Variants in PLEC observed in about 807,000 individuals in gnomAD.
PLEC encodes the protein hemidesmosomal protein 1.
A neutral mutation model predicts 392.8 loss-of-function variants in PLEC; 216 were observed. The ratio of observed to expected loss-of-function variants is 0.55; its 90% CI spans 0.49 to 0.62. The LOEUF is 0.62. Among genes scored for constraint, PLEC ranks in the 20% least tolerant of loss-of-function variants. PLEC has a pLI of 0.00. For synonymous variants in PLEC, 3,621 were observed against 2,980.6 expected (o/e 1.21, Z -7.00); for missense variants, 6,863 against 6,563.4 (o/e 1.05, Z -1.58).
intron 1 of PLEC, among the ~76,000 whole-genome samples, chr8:143,949,689 TCA>T (rs2132697314): frequency 6.6e-6 from 1 of 152,184 alleles, no homozygotes; most frequent in Non-Finnish European, 1.5e-5. Flanking sequence ...GGCCAAGCAC[TCA>T]GTTACCGGTC....
At chr8:143,960,207 G>A (rs1362284495) in intron 1 of PLEC, among the ~76,000 whole-genome samples, 2 of 151,984 alleles carry the variant, frequency 1.3e-5, no homozygotes, top group Non-Finnish European at 2.9e-5. Context: ...GCTTGAACTC[G>A]GAGGGCGGAG....
chr8:143,947,068 G>A (rs1471389285), intron 1 of PLEC, among the ~76,000 whole-genome samples: 6 of 152,192 alleles, frequency 3.9e-5, no homozygotes, highest in East Asian at 1.9e-4. Flanking sequence ...CAGAAATCCC[G>A]CAAACGGGTG....
At chr8:143,925,946 C>G in intron 30 of PLEC, 62 bp from the exon 31 acceptor site, 1 of 1,487,198 alleles carries the variant, frequency 6.7e-7, no homozygotes, top group Non-Finnish European at 9.1e-7. Flanking sequence ...CAGGCGCTGA[C>G]GGGGCACGCA....
At position 143,931,538 on chromosome 8, in the gene PLEC, G is replaced by A. The variant is rs868961899; in HGVS notation, c.2300C>T (p.Ala767Val). The A allele has an allele frequency of 6.3e-7, 1 of 1,588,392 alleles. No homozygotes were observed. Among genetic ancestry groups the A allele is most frequent in the East Asian group, 2.3e-5 (1 of 43,654 alleles). ...CCTGCACACCCCCTCCCTCACCTGG[G>A]CATCCTGCAGCAGGTCCTCCAGCCG... ...VTRLEDLLQD[A>V]QDEKEQLNEY... is the part of the protein sequence containing the mutation. The change falls in exon 19 of 32, where the codon GCC (alanine) becomes GTC (valine). Residue 767 changes from alanine (A) to valine (V), a missense_variant. By Grantham distance (64) the Ala-to-Val change is moderately conservative. Coordinates refer to ENST00000345136, the MANE Select transcript of PLEC (RefSeq NM_201384.3).
In PLEC at chr8:143,918,046, C is replaced by T. The variant is rs782611929; in HGVS notation, c.11775G>A (p.Leu3925=). ...LTSIEEVTKN[L]QKFLEGTSCI... is the part of the protein sequence containing the mutation. ...AGCTGGTGCCTTCCAGGAACTTCTGCAAGTTCTTGGTGACCTCCTCGATGG... is the reference window on the plus strand; with the variant it reads ...AGCTGGTGCCTTCCAGGAACTTCTGTAAGTTCTTGGTGACCTCCTCGATGG... The change falls in exon 32 of 32, where the codon TTG becomes TTA. Residue 3925 remains leucine, a synonymous_variant. Transcript: ENST00000345136. 2.5e-6 allele frequency: 4 copies of T among 1,607,342 alleles called. No homozygotes were observed. The South Asian group carries it at 4.4e-5, about 18-fold the overall frequency.
chr8:143,950,508 A>G (rs1356816792), exon 1 of PLEC: 2 of 1,608,528 alleles, frequency 1.2e-6, no homozygotes, highest in Admixed American at 3.4e-5. Flanking sequence ...AAGTGGCACC[A>G]GGCAAAGGTC....
chr8:143,942,782 G>A (rs1554729870), upstream of PLEC, among the ~76,000 whole-genome samples: 4 of 152,228 alleles, frequency 2.6e-5, no homozygotes, highest in African/African-American at 9.6e-5. Context: ...GAAGCGGCAT[G>A]GGAGGGGGCC....
At chr8:143,976,703 C>T (rs1231554098), upstream of PLEC, 3 of 151,750 alleles carry the variant, frequency 2.0e-5, no homozygotes, top group Non-Finnish European at 2.9e-5. Flanking sequence ...TCATACATGC[C>T]TGGTGGCTCC....
chr8:143,938,769 A>G, intron 1 of PLEC, 77 bp from the exon 2 acceptor site: 1 of 1,300,204 alleles, frequency 7.7e-7, no homozygotes, highest in Non-Finnish European at 1.1e-6. Flanking sequence ...GTGCAGACAC[A>G]GCAGCCTGGC....
At chr8:143,931,878 C>A in intron 18 of PLEC, 59 bp downstream of exon 18, 2 of 1,496,256 alleles carry the variant, frequency 1.3e-6, no homozygotes, top group South Asian at 1.2e-5. Flanking sequence ...CCGAGGGGGT[C>A]CAGGGGCTCC....
chr8:143,921,394 C>G lies in PLEC; in HGVS notation c.8427G>C (p.Gln2809His). 1 of 1,613,406 alleles carries G rather than the reference C, an allele frequency of 6.2e-7. No individual in the cohort carries two copies. Residue 2809 changes from glutamine (Q) to histidine (H), a missense_variant, in exon 32 of 32, where the codon CAG becomes CAC. Coordinates refer to ENST00000345136, the MANE Select transcript of PLEC (RefSeq NM_201384.3). ...GGTCGATAACGCCGCCCGTGGCGAT[C>G]TGGGCCTCCAGCAGGCGGATGCCGT... Reference protein sequence around the residue: ...REHGIRLLEAQIATGGVIDPV... With the variant: ...REHGIRLLEAHIATGGVIDPV...
chr8:143,941,463 G>C (rs561090699), upstream of PLEC, among the ~76,000 whole-genome samples: 2 of 152,246 alleles, frequency 1.3e-5, no homozygotes, highest in African/African-American at 4.8e-5. Context: ...GAAGGGGCAC[G>C]GTGGGGACTC....
At chr8:143,936,291 G>A (rs1203283642) in intron 5 of PLEC, among the ~76,000 whole-genome samples, 1 of 152,194 alleles carries the variant, frequency 6.6e-6, no homozygotes, top group Non-Finnish European at 1.5e-5. Context: ...CCACACAGCA[G>A]GTGCCCACTC....
At position 143,925,880 on chromosome 8, in the gene PLEC, A is replaced by G; in HGVS notation, c.4049T>C (p.Leu1350Pro). 6 of 1,544,246 alleles carry G rather than the reference A, an allele frequency of 3.9e-6. No individual in the cohort carries two copies. The highest frequency in any genetic ancestry group is 5.2e-6 in the Non-Finnish European group (6 of 1,151,074). Residue 1350 changes from leucine (L) to proline (P), a missense_variant, in exon 31 of 32, where the codon CTG becomes CCG. Transcript: ENST00000345136. ...CTCCTCTGCCCGCTGCTGCTCAGCC[A>G]GCCTCTGTGGCCACAGCAGAGAGAA... Reference protein sequence around the residue: ...TLRRMEEEERLAEQQRAEERE... With the variant: ...TLRRMEEEERPAEQQRAEERE...
Position 143,930,381 on chromosome 8 carries a change from C to A in PLEC, c.2457+3G>T. 6.4e-7 allele frequency: 1 copy of A among 1,571,430 alleles called. No homozygotes were observed. Among genetic ancestry groups the A allele is most frequent in the Non-Finnish European group, 8.6e-7 (1 of 1,162,652 alleles). On this transcript the variant is annotated splice_donor_region_variant and intron_variant, in intron 20 of 31. Coordinates refer to ENST00000345136, the MANE Select transcript of PLEC (RefSeq NM_201384.3). Reference sequence around the variant, plus strand: ...CCCCAGTGGACCCCCGGCCTGCGCTCACCTCCACCTGCTTATAGTCGCACA... The same window carrying A: ...CCCCAGTGGACCCCCGGCCTGCGCTAACCTCCACCTGCTTATAGTCGCACA...
At chr8:143,975,254 C>T, upstream of PLEC, 3 of 1,608,410 alleles carry the variant, frequency 1.9e-6, no homozygotes, top group Non-Finnish European at 2.5e-6. This position sits in a 1 kb window ranked among gnomAD's most constrained non-coding sequence, Gnocchi z 9.9. Flanking sequence ...GCTGCGCCGG[C>T]TCCGCTGCGT....
intron 1 of PLEC, among the ~76,000 whole-genome samples, chr8:143,960,629 A>T (rs1489400318): frequency 1.3e-5 from 2 of 152,158 alleles, no homozygotes; most frequent in African/African-American, 4.8e-5. Context: ...GAAAAAAAAA[A>T]AGAACTTATA....
At position 143,923,142 on chromosome 8, in the gene PLEC, G is replaced by A; in HGVS notation, c.6787C>T (p.Gln2263Ter). 2 of 1,603,380 alleles carry A rather than the reference G, an allele frequency of 1.2e-6. No homozygotes were observed. The highest frequency in any genetic ancestry group is 1.7e-6 in the Non-Finnish European group (2 of 1,179,888). ...TCAGCCTCCTCCTGCAGGAAGCGCTGCGTATTGTCCTTGTCACGCAAGATG... is the reference window on the plus strand; with the variant it reads ...TCAGCCTCCTCCTGCAGGAAGCGCTACGTATTGTCCTTGTCACGCAAGATG... ...ALILRDKDNT[Q>*]RFLQEEAEKM... The change falls in exon 31 of 32, where the codon CAG (glutamine) becomes TAG (stop). Residue 2263 changes from glutamine to a stop codon, truncating the protein, a stop_gained. Coordinates refer to ENST00000345136, the MANE Select transcript of PLEC (RefSeq NM_201384.3). LOFTEE classifies it high-confidence loss of function.
In PLEC at chr8:143,923,428, C is replaced by A. The variant is rs199637293; in HGVS notation, c.6501G>T (p.Met2167Ile). Residue 2167 changes from methionine to isoleucine, a missense_variant, in exon 31 of 32, where the codon ATG becomes ATT. Transcript: ENST00000345136. ...GCTCGGCGAATTTCTTATGCTTCTC[C>A]ATCTCCGCGTCAGCTGCCTGCTTCT... ...LRQKQAADAEMEKHKKFAEQT... is the reference protein window; with the variant it reads ...LRQKQAADAEIEKHKKFAEQT... 1.9e-6 allele frequency: 3 copies of A among 1,610,218 alleles called. No homozygotes were observed. Among genetic ancestry groups the A allele is most frequent in the African/African-American group, 1.3e-5 (1 of 75,032 alleles).
Sources: allele counts gnomAD v4.1 joint callset (sites outside exome capture counted in the v4.1 genomes callset), GRCh38; gene constraint gnomAD v4.1.1; non-coding constraint Gnocchi (gnomAD v3.1); transcripts MANE v1.5; gene names NCBI Gene and HGNC (gene_info 2026-07-23, HGNC 2026-07-21).